Variants in FRMD3 observed in about 807,000 individuals in gnomAD.
FRMD3 encodes the protein FERM domain-containing protein 3.
In FRMD3, 33 loss-of-function variants were observed where a neutral mutation model predicts 70.2. The observed-to-expected ratio is 0.47, with a 90% CI of 0.36 to 0.63. The LOEUF (loss-of-function observed/expected upper bound fraction) is 0.63. Ranked by LOEUF, FRMD3 falls within the 20% of genes least tolerant of loss-of-function variation. The pLI, the probability that FRMD3 is intolerant of heterozygous loss-of-function variation, is 0.00. For missense variants in FRMD3, 632 were observed against 711.4 expected, an observed-to-expected ratio of 0.89 and a Z score of 1.27; for synonymous variants, 279 against 255.9, an observed-to-expected ratio of 1.09 and a Z score of -0.86.
At chr9:83,252,912 T>C (rs1832498181) in intron 13 of FRMD3, among the ~76,000 whole-genome samples, 1 of 152,098 alleles carries the variant, frequency 6.6e-6, no homozygotes, top group Non-Finnish European at 1.5e-5. Flanking sequence ...ACTTAGACTC[T>C]ACACAATAAT....
chr9:83,529,755 G>T (rs1275831363), intron 1 of FRMD3, among the ~76,000 whole-genome samples: 1 of 152,074 alleles, frequency 6.6e-6, no homozygotes, highest in East Asian at 1.9e-4. Flanking sequence ...TATATAAAGG[G>T]TTTGTGTCCA....
chr9:83,283,468 T>G (rs1294747285), intron 13 of FRMD3, among the ~76,000 whole-genome samples: 1 of 150,774 alleles, frequency 6.6e-6, no homozygotes, highest in Non-Finnish European at 1.5e-5. Flanking sequence ...GAGGTGGAGC[T>G]TGCAGTGAGC....
At chr9:83,524,491 C>T (rs959972812) in intron 1 of FRMD3, among the ~76,000 whole-genome samples, 4 of 152,152 alleles carry the variant, frequency 2.6e-5, no homozygotes, top group Non-Finnish European at 5.9e-5. Context: ...TCCAAGACAT[C>T]AATGTGCTTT....
intron 13 of FRMD3, among the ~76,000 whole-genome samples, chr9:83,256,963 C>T (rs144958054): frequency 4.6e-5 from 7 of 152,250 alleles, no homozygotes; most frequent in South Asian, 2.1e-4. Flanking sequence ...GACAGTGTGG[C>T]GATTCCTTAA....
At chr9:83,582,480 CT>C in the FRMD3 span, among the ~76,000 whole-genome samples, 1 of 152,090 alleles carries the variant, frequency 6.6e-6, no homozygotes, top group East Asian at 1.9e-4. Context: ...AAAGAGTGGT[CT>C]TTTTATTTTA....
At chr9:83,401,742 C>T (rs1825956350) in intron 1 of FRMD3, among the ~76,000 whole-genome samples, 1 of 152,196 alleles carries the variant, frequency 6.6e-6, no homozygotes, top group South Asian at 2.1e-4. Flanking sequence ...AGCTTCTAAA[C>T]ATTCTGCCTG....
intron 6 of FRMD3, among the ~76,000 whole-genome samples, chr9:83,329,322 T>C (rs1347639100): frequency 6.6e-6 from 1 of 152,168 alleles, no homozygotes; most frequent in Non-Finnish European, 1.5e-5. Context: ...GGAAGGGAAA[T>C]GATACAGGGA....
chr9:83,247,661 TCTACA>T lies in FRMD3; in HGVS notation c.*252_*256del. The T allele has an allele frequency of 8.4e-7, 1 of 1,192,590 alleles. No individual in the cohort carries two copies. Among genetic ancestry groups the T allele is most frequent in the Non-Finnish European group, 1.1e-6 (1 of 941,896 alleles). 73.9% of individuals were successfully genotyped at this position (1,192,590 alleles called of 1,614,324 possible). On this transcript the variant is annotated 3_prime_UTR_variant, in exon 14 of 14. Coordinates refer to ENST00000304195, the MANE Select transcript of FRMD3 (RefSeq NM_174938.6). ...TATGATATAATAGATGAAGGGTATGTCTACACTATAATAAAAAATAAACATATTTT... is the reference window on the plus strand; with the variant it reads ...TATGATATAATAGATGAAGGGTATGTCTATAATAAAAAATAAACATATTTT...
intron 6 of FRMD3, among the ~76,000 whole-genome samples, chr9:83,316,427 GA>G (rs1835582367): frequency 6.6e-6 from 1 of 152,236 alleles, no homozygotes; most frequent in Admixed American, 6.5e-5. Context: ...AGAGTGCTGG[GA>G]TTGCAGGCAT....
chr9:83,558,283 C>CGT, the FRMD3 span, among the ~76,000 whole-genome samples: 51 of 150,376 alleles, frequency 3.4e-4, no homozygotes, highest in African/African-American at 1.2e-3. Context: ...TGTGTGCGCG[C>CGT]GCGCACGCAC....
chr9:83,432,087 A>G (rs1383835198), intron 1 of FRMD3, among the ~76,000 whole-genome samples: 2 of 152,070 alleles, frequency 1.3e-5, no homozygotes, highest in Admixed American at 6.6e-5. Flanking sequence ...TGCATTCCCA[A>G]TCTAGTGGCT....
the FRMD3 span, among the ~76,000 whole-genome samples, chr9:83,554,369 C>T: frequency 6.6e-6 from 1 of 152,140 alleles, no homozygotes; most frequent in African/African-American, 2.4e-5. Context: ...TGTTTATGTT[C>T]CTTTCCCAGC....
chr9:83,417,813 T>G (rs1291116489), intron 1 of FRMD3, among the ~76,000 whole-genome samples: 5 of 151,992 alleles, frequency 3.3e-5, no homozygotes, highest in Non-Finnish European at 5.9e-5. Context: ...CCAAGACATA[T>G]AGAAAACCAA....
Position 83,245,741 on chromosome 9 carries a change from T to C in FRMD3, c.*2177A>G. 2.0e-6 allele frequency: 2 copies of C among 984,678 alleles called. No homozygotes were observed. The highest frequency in any genetic ancestry group is 2.4e-6 in the Non-Finnish European group (2 of 829,308). 61.0% of individuals were successfully genotyped at this position (984,678 alleles called of 1,614,324 possible). ...ACTTTAGAGAAAATTATATGACGCA[T>C]GATCAGAAGGGGACTAATTTTGTGC... On this transcript the variant is annotated 3_prime_UTR_variant, in exon 14 of 14. Coordinates refer to ENST00000304195, the MANE Select transcript of FRMD3 (RefSeq NM_174938.6).
At chr9:83,503,564 C>G (rs1301545333) in intron 1 of FRMD3, among the ~76,000 whole-genome samples, 1 of 152,202 alleles carries the variant, frequency 6.6e-6, no homozygotes, top group Non-Finnish European at 1.5e-5. Context: ...TTGTGATACC[C>G]TGAGTATAGA....
At chr9:83,328,534 G>T (rs781192064) in intron 6 of FRMD3, among the ~76,000 whole-genome samples, 37 of 152,224 alleles carry the variant, frequency 2.4e-4, no homozygotes, top group Non-Finnish European at 4.0e-4. Flanking sequence ...GTGACCTCTT[G>T]ATAGTCGAAG....
chr9:83,451,448 C>T (rs1166437901), intron 1 of FRMD3, among the ~76,000 whole-genome samples: 7 of 151,048 alleles, frequency 4.6e-5, no homozygotes, highest in Non-Finnish European at 1.0e-4. Context: ...CCTCCCATTC[C>T]GTCTTTATTT....
At chr9:83,510,042 G>T (rs183466242) in intron 1 of FRMD3, among the ~76,000 whole-genome samples, 172 of 152,170 alleles carry the variant, frequency 1.1e-3, no homozygotes, top group African/African-American at 4.0e-3. Flanking sequence ...ATTAAAAAAG[G>T]CCACTGGAAA....
chr9:83,453,324 T>C (rs1289429992), intron 1 of FRMD3, among the ~76,000 whole-genome samples: 3 of 152,168 alleles, frequency 2.0e-5, no homozygotes, highest in Non-Finnish European at 4.4e-5. Flanking sequence ...TACGCTTTAT[T>C]ATATCTCCTC....
Sources: gnomAD v4.1 joint callset for allele counts (sites outside exome capture counted in the v4.1 genomes callset) on GRCh38, gnomAD v4.1.1 for gene constraint, MANE v1.5 for transcripts, NCBI Gene and HGNC (gene_info 2026-07-23, HGNC 2026-07-21) for gene names.